GOLGA3: variants seen among roughly 807,000 people sequenced by gnomAD.
The protein encoded by GOLGA3 is golgin subfamily A member 3.
GOLGA3 carries 75 observed loss-of-function variants against 169.4 expected under a neutral mutation model. The ratio of observed to expected loss-of-function variants is 0.44; its 90% confidence interval spans 0.37 to 0.54. The LOEUF (loss-of-function observed/expected upper bound fraction) is 0.54. GOLGA3 is among the 20% of genes least tolerant of loss of function. The pLI, the probability that GOLGA3 is intolerant of heterozygous loss-of-function variation, is 0.00. For missense variants in GOLGA3, 1,899 were observed against 1,930.0 expected (o/e 0.98, Z 0.30); for synonymous variants, 824 against 822.4 (o/e 1.00, Z -0.03).
At chr12:132,784,413 C>T (rs2045781988) in intron 15 of GOLGA3, 106 bp from the exon 16 acceptor site, 1 of 921,494 alleles carries the variant, frequency 1.1e-6, no homozygotes, top group African/African-American at 1.7e-5. Flanking sequence ...ACACACCAGA[C>T]ACCAGCTGTC....
In GOLGA3 at chr12:132,816,772, C is replaced by T. The variant is rs539236972; in HGVS notation, c.174G>A (p.Pro58=). ...VNRASTEGES[P]DGPGQGGLCQ... is the part of the protein sequence containing the mutation. ...AGAGGCCTCCCTGGCCAGGTCCATC[C>T]GGGCTTTCCCCTTCCGTGGATGCTC... The change falls in exon 3 of 24, where the codon CCG becomes CCA. Residue 58 remains proline, a synonymous_variant. Transcript: ENST00000450791. The T allele has an allele frequency of 9.6e-5, 154 of 1,608,580 alleles. No homozygotes were observed. The Admixed American group carries it at 1.3e-3, about 13-fold the overall frequency.
chr12:132,813,665 T>G (rs181283628), intron 3 of GOLGA3, among the ~76,000 whole-genome samples: 1 of 151,262 alleles, frequency 6.6e-6, no homozygotes, highest in African/African-American at 2.4e-5. Flanking sequence ...GATCCCATGA[T>G]GAGTACACCC....
rs1233838252 is a variant in GOLGA3 at position 132,825,814 on chromosome 12, G to A, written c.-184+2989C>T. On this transcript the variant is annotated intron_variant, in intron 1 of 23. Coordinates refer to ENST00000450791, the MANE Select transcript of GOLGA3 (RefSeq NM_001389683.1). ...AGGAGAAGCTCCTGCGGTACTACAA[G>A]AACATTGGTCTGGGCTTCAAGACAC... 4.5e-6 allele frequency: 5 copies of A among 1,101,030 alleles called. No individual in the cohort carries two copies. The African/African-American group carries it at 6.1e-5, about 13-fold the overall frequency. The allele number at this position is 1,101,030 out of a possible 1,614,324, so 68.2% of individuals were successfully genotyped here.
chr12:132,791,050 CAAAAAAAAAAAAAAAAAAAA>C (rs771719474), intron 12 of GOLGA3, among the ~76,000 whole-genome samples, 146 bp downstream of exon 12: 13 of 52,652 alleles, frequency 2.5e-4, no homozygotes, highest in East Asian at 2.0e-3. Flanking sequence ...GACTCCGTCT[CAAAAAAAAAAAAAAAAAAAA>C]AAAAAAAAAA....
chr12:132,798,215 T>G, intron 9 of GOLGA3, 125 bp downstream of exon 9: 1 of 898,564 alleles, frequency 1.1e-6, no homozygotes, highest in Non-Finnish European at 1.6e-6. Context: ...GAGCAGTCAC[T>G]GCCCGCCATC....
intron 23 of GOLGA3, 80 bp from the exon 24 acceptor site, chr12:132,773,374 G>T: frequency 1.1e-6 from 1 of 902,380 alleles, no homozygotes; most frequent in Non-Finnish European, 1.6e-6. Context: ...AGCGTCACTC[G>T]CTAGCACCTG....
chr12:132,777,213 T>G lies in GOLGA3; in HGVS notation c.3723-123A>C, dbSNP rs2045296682. 1.9e-6 allele frequency: 2 copies of G among 1,041,812 alleles called. No homozygotes were observed. Among genetic ancestry groups the G allele is most frequent in the Non-Finnish European group, 2.8e-6 (2 of 725,148 alleles). 64.5% of individuals were successfully genotyped at this position (1,041,812 alleles called of 1,614,324 possible). A position where few individuals can be genotyped will look rare whatever the true frequency, so the allele number is the denominator to read the frequency against. ...GGCAGGCCCTCTGCTGTGCACTGCGTGCTGCAGCCATGCTTGGTGCCCACA... is the reference window on the plus strand; with the variant it reads ...GGCAGGCCCTCTGCTGTGCACTGCGGGCTGCAGCCATGCTTGGTGCCCACA... On this transcript the variant is annotated intron_variant, in intron 19 of 23. Coordinates refer to ENST00000450791, the MANE Select transcript of GOLGA3 (RefSeq NM_001389683.1). The surrounding 1 kb of genome is among the most constrained non-coding windows in gnomAD (Gnocchi z 4.7).
At chr12:132,808,733 G>C (rs1021187316) in intron 4 of GOLGA3, among the ~76,000 whole-genome samples, 184 bp from the exon 5 acceptor site, 4 of 152,076 alleles carry the variant, frequency 2.6e-5, no homozygotes, top group South Asian at 2.1e-4. Flanking sequence ...TCTCACTGCC[G>C]CAAGGCCCCA....
At chr12:132,801,618 C>T in intron 8 of GOLGA3, 149 bp downstream of exon 8, 3 of 759,796 alleles carry the variant, frequency 3.9e-6, no homozygotes, top group Non-Finnish European at 4.4e-6. Context: ...TACGACACGT[C>T]CTACATGGGA....
intron 2 of GOLGA3, among the ~76,000 whole-genome samples, chr12:132,817,611 A>G (rs368591007): frequency 2.7e-3 from 1 of 366 alleles, no homozygotes. Context: ...AGGTGAACTC[A>G]CCCTCCACAC....
Position 132,786,730 on chromosome 12 carries a change from T to C in GOLGA3, c.2869A>G (p.Lys957Glu). ...VAVTEANEAL[K>E]KQIEELQQEA... is the part of the protein sequence containing the mutation. ...TGCTGCAACTCTTCGATTTGTTTCT[T>C]CAGCGCCTCATTGGCCTCTGTGACC... The change falls in exon 14 of 24, where the codon AAG (lysine) becomes GAG (glutamate). Residue 957 changes from lysine (K) to glutamate (E), a missense_variant. By Grantham distance (56) the Lys-to-Glu change is moderately conservative (BLOSUM62 1). Transcript: ENST00000450791. The C allele has an allele frequency of 6.2e-7, 1 of 1,613,646 alleles. No homozygotes were observed. Among genetic ancestry groups the C allele is most frequent in the Non-Finnish European group, 8.5e-7 (1 of 1,179,828 alleles).
intron 15 of GOLGA3, among the ~76,000 whole-genome samples, chr12:132,784,675 TAACA>T (rs986380701): frequency 2.0e-5 from 3 of 151,880 alleles, no homozygotes; most frequent in Admixed American, 2.0e-4. Flanking sequence ...CACACTCATG[TAACA>T]CACACCACGT....
chr12:132,807,266 C>T lies in GOLGA3; in HGVS notation c.1201G>A (p.Ala401Thr), dbSNP rs765563668. ...TGCAGCATCTCCTCCTGTGTTTCTGCTGCAGAGCTCTCCAAGGACACGCTG... is the reference window on the plus strand; with the variant it reads ...TGCAGCATCTCCTCCTGTGTTTCTGTTGCAGAGCTCTCCAAGGACACGCTG... ...CSSVSLESSA[A>T]ETQEEMLQVL... Residue 401 changes from alanine to threonine, a missense_variant, in exon 6 of 24, where the codon GCA (alanine) becomes ACA (threonine). Coordinates refer to ENST00000450791, the MANE Select transcript of GOLGA3 (RefSeq NM_001389683.1). The T allele has an allele frequency of 1.9e-6, 3 of 1,575,646 alleles. No individual in the cohort carries two copies. The highest frequency in any genetic ancestry group is 1.3e-5 in the African/African-American group (1 of 74,272).
At chr12:132,826,388 AGAG>A (rs372533682) in intron 1 of GOLGA3, among the ~76,000 whole-genome samples, 2 of 152,216 alleles carry the variant, frequency 1.3e-5, no homozygotes, top group African/African-American at 2.4e-5. Context: ...GAACTGCTGC[AGAG>A]GAGAACTGCT....
At chr12:132,807,693 T>C (rs1348079596) in intron 5 of GOLGA3, among the ~76,000 whole-genome samples, 198 bp downstream of exon 5, 1 of 152,174 alleles carries the variant, frequency 6.6e-6, no homozygotes, top group Admixed American at 6.5e-5. Context: ...CCTGTTCCAG[T>C]GCGGAGAGCC....
chr12:132,783,977 A>T (rs2045756584), intron 16 of GOLGA3, 187 bp downstream of exon 16: 2 of 1,483,168 alleles, frequency 1.3e-6, no homozygotes, highest in Non-Finnish European at 1.8e-6. Flanking sequence ...GATCCTCCCC[A>T]GAGGGCTGGA....
Position 132,783,998 on chromosome 12 carries a change from GC to G in GOLGA3, c.3267+165del, listed in dbSNP as rs1235121050. On this transcript the variant is annotated intron_variant, in intron 16 of 23. Transcript: ENST00000450791. ...CCCCAGAGGGCTGGAATCAGGGCCT[GC>G]CCCACCACAGAGCCAGAGGCCGACG... The G allele has an allele frequency of 2.7e-6, 4 of 1,500,586 alleles. No homozygotes were observed. In the East Asian group the frequency reaches 9.8e-5, roughly 37 times the overall value. 93.0% of individuals were successfully genotyped at this position (1,500,586 alleles called of 1,614,324 possible).
chr12:132,786,629 T>TA, intron 14 of GOLGA3, 64 bp downstream of exon 14: 2 of 1,059,318 alleles, frequency 1.9e-6, no homozygotes, highest in Non-Finnish European at 2.6e-6. Flanking sequence ...CTGGTTCGCC[T>TA]CCCCCCCGGC....
chr12:132,808,102 C>A lies in GOLGA3; in HGVS notation c.967G>T (p.Ala323Ser), dbSNP rs144611117. 6.3e-7 allele frequency: 1 copy of A among 1,597,644 alleles called. No homozygotes were observed. Among genetic ancestry groups the A allele is most frequent in the African/African-American group, 1.3e-5 (1 of 74,500 alleles). Residue 323 changes from alanine (A) to serine (S), a missense_variant, in exon 5 of 24, where the codon GCC becomes TCC. Transcript: ENST00000450791. ...ATGCCATAGGTCCCTCGGGTGGAGG[C>A]GCTGCTGTACGATGAGCTGTCGCTG... ...NDSDSSSYSSASTRGTYGILS... is the reference protein window; with the variant it reads ...NDSDSSSYSSSSTRGTYGILS...
Sources: allele counts gnomAD v4.1 joint callset (sites outside exome capture counted in the v4.1 genomes callset), GRCh38; gene constraint gnomAD v4.1.1; non-coding constraint Gnocchi (gnomAD v3.1); transcripts MANE v1.5; gene names NCBI Gene and HGNC (gene_info 2026-07-23, HGNC 2026-07-21).